NPFFR1: variants seen among roughly 807,000 people sequenced by gnomAD.
NPFFR1 encodes the protein G-protein coupled receptor 147.
A neutral mutation model predicts 12.7 loss-of-function variants in NPFFR1; 17 were observed. The observed-to-expected ratio is 1.34, with a 90% CI of 0.92 to 2.01. The LOEUF (loss-of-function observed/expected upper bound fraction) is 2.01. NPFFR1 is among the 30% of genes most tolerant of loss of function. The pLI is 0.00. For missense variants in NPFFR1, 604 were observed against 606.5 expected (o/e 1.00, Z 0.04); for synonymous variants, 296 against 264.5 (o/e 1.12, Z -1.16).
chr10:70,269,505 C>T (rs193285379), intron 1 of NPFFR1, among the ~76,000 whole-genome samples: 78 of 148,148 alleles, frequency 5.3e-4, no homozygotes, highest in Non-Finnish European at 2.1e-4. Context: ...TGCCTAGACT[C>T]CCCACTGCAT....
chr10:70,258,871 C>T (rs560871054), intron 3 of NPFFR1, among the ~76,000 whole-genome samples: 4 of 152,304 alleles, frequency 2.6e-5, no homozygotes, highest in African/African-American at 7.2e-5. Flanking sequence ...CACTTCGCTA[C>T]ACTGTGTCCT....
In NPFFR1 at chr10:70,255,050, C is replaced by T; in HGVS notation, c.1200G>A (p.Pro400=). Residue 400 remains proline (P), a synonymous_variant, in exon 4 of 4, where the codon CCG becomes CCA. Coordinates refer to ENST00000277942, the MANE Select transcript of NPFFR1 (RefSeq NM_022146.5). This position sits in a 1 kb window ranked among gnomAD's most constrained non-coding sequence, Gnocchi z 4.2. The part of the protein sequence containing the change: ...SSGAPRPGRL[P]LRNGRVAHHG... ...GGTGAGCCACCCGCCCATTCCGCAG[C>T]GGGAGGCGGCCGGGCCTGGGGGCCC... The T allele has an allele frequency of 1.4e-6, 2 of 1,438,012 alleles. No homozygotes were observed. Among genetic ancestry groups the T allele is most frequent in the Non-Finnish European group, 1.8e-6 (2 of 1,102,840 alleles). 89.1% of individuals were successfully genotyped at this position (1,438,012 alleles called of 1,614,324 possible).
At chr10:70,275,036 A>G (rs1427680442) in intron 1 of NPFFR1, among the ~76,000 whole-genome samples, 4 of 152,222 alleles carry the variant, frequency 2.6e-5, no homozygotes, top group Non-Finnish European at 5.9e-5. Context: ...CACCCACCAC[A>G]GCAACATGGA....
At position 70,255,430 on chromosome 10, in the gene NPFFR1, TGACCAGCATGTGCACCAC is replaced by T; in HGVS notation, c.802_819del (p.Val268_Val273del). 1 of 1,547,118 alleles carries T rather than the reference TGACCAGCATGTGCACCAC, an allele frequency of 6.5e-7. No individual in the cohort carries two copies. The highest frequency in any genetic ancestry group is 8.7e-7 in the Non-Finnish European group (1 of 1,146,846). The stretch of plus-strand genomic sequence containing the variant: ...GACAGCGTGAAGAACAGCGCCACCA[TGACCAGCATGTGCACCAC>T]GCGCGCTCTGCGCCGCGATGCTCGC... On this transcript the variant is annotated inframe_deletion, in exon 4 of 4. Transcript: ENST00000277942. This position sits in a 1 kb window ranked among gnomAD's most constrained non-coding sequence, Gnocchi z 4.2.
At chr10:70,257,043 G>GATCACTT (rs1275374072) in intron 3 of NPFFR1, among the ~76,000 whole-genome samples, 9 of 152,192 alleles carry the variant, frequency 5.9e-5, no homozygotes, top group African/African-American at 2.2e-4. Flanking sequence ...AAGGCAGGAG[G>GATCACTT]ATCACTTGAA....
At chr10:70,258,077 A>G (rs1465463059) in intron 3 of NPFFR1, among the ~76,000 whole-genome samples, 2 of 152,192 alleles carry the variant, frequency 1.3e-5, no homozygotes, top group Non-Finnish European at 1.5e-5. Flanking sequence ...GTGCCGGCGC[A>G]GGTCCTTGGT....
At position 70,251,603 on chromosome 10, in the gene NPFFR1, T is replaced by A. The variant is rs1309678549; in HGVS notation, c.*3354A>T. 7.2e-6 allele frequency: 1 copy of A among 139,190 alleles called. No homozygotes were observed. The highest frequency in any genetic ancestry group is 2.8e-4 in the East Asian group (1 of 3,580). 8.6% of individuals were successfully genotyped at this position (139,190 alleles called of 1,614,324 possible). ...GCCCTCTGGGTGGGGATGCTCAGTG[T>A]CAACAGGCCTCTGGCCCTTTTCCCC... On this transcript the variant is annotated 3_prime_UTR_variant, in exon 4 of 4. Transcript: ENST00000277942.
In NPFFR1 at chr10:70,251,142, C is replaced by T. The variant is rs147127407; in HGVS notation, c.*3815G>A. The T allele has an allele frequency of 2.0e-5, 3 of 152,248 alleles. No homozygotes were observed. Among genetic ancestry groups the T allele is most frequent in the African/African-American group, 2.4e-5 (1 of 41,532 alleles). 9.4% of individuals were successfully genotyped at this position (152,248 alleles called of 1,614,324 possible). The stretch of plus-strand genomic sequence containing the variant: ...TCATTGTAATGAAGCCCATTTAGAC[C>T]GCCTCCTTCTCATCTATCTTTCATC... On this transcript the variant is annotated 3_prime_UTR_variant, in exon 4 of 4. Transcript: ENST00000277942.
At chr10:70,282,042 C>T (rs1840868069) in intron 1 of NPFFR1, among the ~76,000 whole-genome samples, 1 of 152,114 alleles carries the variant, frequency 6.6e-6, no homozygotes, top group Non-Finnish European at 1.5e-5. Context: ...AGGACATTTG[C>T]CCATCTTCAG....
At chr10:70,273,349 T>A (rs373342131) in intron 1 of NPFFR1, among the ~76,000 whole-genome samples, 26 of 152,340 alleles carry the variant, frequency 1.7e-4, no homozygotes, top group African/African-American at 6.3e-4. Context: ...TAGTGTGGCT[T>A]AACATTTTGG....
chr10:70,256,088 T>C (rs117223766), intron 3 of NPFFR1, among the ~76,000 whole-genome samples: 14,411 of 126,530 alleles, frequency 0.11, 852 homozygotes, highest in Middle Eastern at 0.2. Flanking sequence ...TTTTTTTTTT[T>C]CCTGAGACAG....
intron 1 of NPFFR1, among the ~76,000 whole-genome samples, chr10:70,274,027 G>A (rs551766138): frequency 2.0e-5 from 3 of 152,132 alleles, no homozygotes; most frequent in Admixed American, 6.5e-5. Flanking sequence ...CATCCCACAC[G>A]CTGTCTCTTA....
intron 3 of NPFFR1, among the ~76,000 whole-genome samples, chr10:70,258,604 G>A (rs2136793198): frequency 6.6e-6 from 1 of 152,316 alleles, no homozygotes; most frequent in South Asian, 2.1e-4. Flanking sequence ...GATTAAGTGA[G>A]ATGACACTGA....
intron 3 of NPFFR1, among the ~76,000 whole-genome samples, chr10:70,257,549 G>A (rs546906992): frequency 6.6e-6 from 1 of 152,352 alleles, no homozygotes; most frequent in East Asian, 1.9e-4. Context: ...CTTGAAAGCA[G>A]GGTATTGTCC....
rs781331750 is a variant in NPFFR1, at chr10:70,253,793, C to A, written c.*1164G>T. 4 of 152,138 alleles carry A rather than the reference C, an allele frequency of 2.6e-5. No individual in the cohort carries two copies. The highest frequency in any genetic ancestry group is 4.4e-5 in the Non-Finnish European group (3 of 68,080). 9.4% of individuals were successfully genotyped at this position (152,138 alleles called of 1,614,324 possible). A position where few individuals can be genotyped will look rare whatever the true frequency, so the allele number is the denominator to read the frequency against. ...GGGCCTGTGAAAGGACCCTCCAAGG[C>A]AATCCCATGTGCTCCCGTCTCCTGG... On this transcript the variant is annotated 3_prime_UTR_variant, in exon 4 of 4. Transcript: ENST00000277942.
intron 1 of NPFFR1, among the ~76,000 whole-genome samples, chr10:70,272,160 AG>A (rs1840750290): frequency 6.7e-6 from 1 of 149,522 alleles, no homozygotes; most frequent in Non-Finnish European, 1.5e-5. Flanking sequence ...AGAGAGAGAG[AG>A]AGAAAGAAAG....
intron 2 of NPFFR1, among the ~76,000 whole-genome samples, chr10:70,262,380 T>C (rs1478817779): frequency 1.3e-5 from 2 of 152,182 alleles, no homozygotes; most frequent in African/African-American, 4.8e-5. Flanking sequence ...TGGAGTAACT[T>C]TGCAAAACAG....
At chr10:70,279,983 G>A (rs1840843375) in intron 1 of NPFFR1, among the ~76,000 whole-genome samples, 1 of 152,166 alleles carries the variant, frequency 6.6e-6, no homozygotes, top group South Asian at 2.1e-4. Flanking sequence ...TGTGGTATTT[G>A]TCTTTCTGTG....
intron 2 of NPFFR1, among the ~76,000 whole-genome samples, chr10:70,265,505 A>G (rs779726265): frequency 1.3e-5 from 2 of 152,230 alleles, no homozygotes; most frequent in Non-Finnish European, 2.9e-5. Context: ...TCCAAGGGAC[A>G]GAGAGCTCAT....
Sources: gnomAD v4.1 joint callset for allele counts (sites outside exome capture counted in the v4.1 genomes callset) on GRCh38, gnomAD v4.1.1 for gene constraint, Gnocchi (gnomAD v3.1) non-coding constraint, MANE v1.5 for transcripts, NCBI Gene and HGNC (gene_info 2026-07-23, HGNC 2026-07-21) for gene names.